CA10: variants seen among roughly 807,000 people sequenced by gnomAD.
CA10 encodes the protein carbonic anhydrase 10 (inactive), also known as carbonic anhydrase-related protein 10.
CA10 carries 14 observed loss-of-function variants against 44.2 expected under a neutral mutation model. That is an observed-to-expected ratio of 0.32 (90% CI 0.21 to 0.50). The LOEUF (loss-of-function observed/expected upper bound fraction) is 0.50. Ranked by LOEUF, CA10 falls within the 20% of genes least tolerant of loss-of-function variation. The probability of loss-of-function intolerance (pLI) is 0.99; values close to 1 mark genes in which losing one functional copy is unlikely to be tolerated. For synonymous variants in CA10, 159 were observed against 141.6 expected (o/e 1.12, Z -0.87); for missense variants, 350 against 409.7 (o/e 0.85, Z 1.26).
At chr17:51,991,167 G>A (rs1985025810) in intron 2 of CA10, among the ~76,000 whole-genome samples, 1 of 152,046 alleles carries the variant, frequency 6.6e-6, no homozygotes, top group African/African-American at 2.4e-5. Flanking sequence ...AAAAATGATG[G>A]AAAATGTAGT....
intron 3 of CA10, among the ~76,000 whole-genome samples, chr17:51,860,843 A>C (rs1042388727): frequency 6.6e-6 from 1 of 152,144 alleles, no homozygotes; most frequent in African/African-American, 2.4e-5. Context: ...TGATACACTA[A>C]GATTTGGGGA....
rs367890128 is a variant in CA10 at position 51,947,624 on chromosome 17, A to G, written c.137-16492T>C. 7.9e-5 allele frequency among the ~76,000 whole-genome samples: 12 copies of G among 152,254 alleles called. 1 individual carries two copies. The highest frequency in any genetic ancestry group is 2.6e-4 in the Admixed American group (4 of 15,286). On this transcript the variant is annotated intron_variant, in intron 2 of 8. Coordinates refer to ENST00000451037, the MANE Select transcript of CA10 (RefSeq NM_020178.5). ...AAACTACACATGCAAAGTTTTAACA[A>G]TGCAGCACTTTGTAGCATAGATTAA... is the stretch of plus-strand genomic sequence containing the variant.
chr17:52,104,686 C>T (rs1988619398), intron 1 of CA10, among the ~76,000 whole-genome samples: 1 of 152,142 alleles, frequency 6.6e-6, no homozygotes, highest in African/African-American at 2.4e-5. Flanking sequence ...GTGCTGGACT[C>T]CACGGCACAA....
At chr17:51,738,456 G>A (rs1916985134) in intron 4 of CA10, among the ~76,000 whole-genome samples, 2 of 152,124 alleles carry the variant, frequency 1.3e-5, no homozygotes, top group African/African-American at 2.4e-5. Flanking sequence ...CTGTTCTTAG[G>A]TTCTTAATGC....
intron 2 of CA10, among the ~76,000 whole-genome samples, chr17:52,054,544 C>T (rs927081963): frequency 6.6e-6 from 1 of 152,014 alleles, no homozygotes. Context: ...TCTCTGTGAC[C>T]CATACCCTAA....
chr17:51,644,189 G>A (rs1410480900), intron 6 of CA10, among the ~76,000 whole-genome samples: 1 of 149,552 alleles, frequency 6.7e-6, no homozygotes, highest in Non-Finnish European at 1.5e-5. Context: ...TTTTTTTCCT[G>A]GTCATTCATT....
At chr17:52,101,837 G>C (rs368134638) in intron 1 of CA10, among the ~76,000 whole-genome samples, 3 of 151,828 alleles carry the variant, frequency 2.0e-5, no homozygotes, top group Non-Finnish European at 4.4e-5. Context: ...TATAGCATAG[G>C]GTTTAAATAG....
At chr17:51,989,431 CTT>C (rs965787747) in intron 2 of CA10, among the ~76,000 whole-genome samples, 4 of 151,864 alleles carry the variant, frequency 2.6e-5, no homozygotes, top group African/African-American at 9.7e-5. Context: ...GTTTTCTGTT[CTT>C]GTGTTAGTTT....
chr17:51,875,363 A>T (rs772561664), intron 3 of CA10, among the ~76,000 whole-genome samples: 3 of 152,176 alleles, frequency 2.0e-5, no homozygotes, highest in Non-Finnish European at 2.9e-5. Flanking sequence ...ACTGATGGAG[A>T]ACCATGGTAT....
chr17:51,747,729 T>C lies in CA10; in HGVS notation c.369A>G (p.Thr123=), dbSNP rs778089236. 12 of 1,614,008 alleles carry C rather than the reference T, an allele frequency of 7.4e-6. No individual in the cohort carries two copies. The South Asian group carries it at 1.2e-4, about 16-fold the overall frequency. The part of the protein sequence containing the change: ...HLVNISGGPM[T]YSHRLEEIRL... ...GGATCTCCTCCAGCCGGTGGCTGTA[T>C]GTCATGGGCCCTCCAGATATGTTGA... is the stretch of plus-strand genomic sequence containing the variant. Residue 123 remains threonine (T), a synonymous_variant, in exon 4 of 9, where the codon ACA becomes ACG. Coordinates refer to ENST00000451037, the MANE Select transcript of CA10 (RefSeq NM_020178.5).
chr17:51,786,193 C>A lies in CA10; in HGVS notation c.280-38375G>T, dbSNP rs1049590820. Among the ~76,000 whole-genome samples, 4 of 147,410 alleles carry A rather than the reference C, an allele frequency of 2.7e-5. No individual in the cohort carries two copies. The East Asian group carries it at 8.2e-4, about 30-fold the overall frequency. On this transcript the variant is annotated intron_variant, in intron 3 of 8. Transcript: ENST00000451037. ...CTTCTACTTTACTGATTTTTTAATG[C>A]GTTCTAACATCTTTGTGTGTCTGTG...
Position 52,158,110 on chromosome 17 carries a change from G to A in CA10, c.-324C>T, listed in dbSNP as rs1428203969. 1 of 464,404 alleles carries A rather than the reference G, an allele frequency of 2.2e-6. No homozygotes were observed. 28.8% of individuals were successfully genotyped at this position (464,404 alleles called of 1,614,324 possible). A position where few individuals can be genotyped will look rare whatever the true frequency, so the allele number is the denominator to read the frequency against. On this transcript the variant is annotated 5_prime_UTR_variant, in exon 1 of 9. Coordinates refer to ENST00000451037, the MANE Select transcript of CA10 (RefSeq NM_020178.5). ...CGGAAACCGCACTAGCAGCGGCGGC[G>A]GCGGCGGCGGCGGCAGCAGCCACCT...
At chr17:51,927,811 A>C (rs1982492086) in intron 3 of CA10, among the ~76,000 whole-genome samples, 2 of 152,170 alleles carry the variant, frequency 1.3e-5, no homozygotes, top group Non-Finnish European at 2.9e-5. Context: ...TCATATATGG[A>C]AACTTTAAGC....
intron 3 of CA10, among the ~76,000 whole-genome samples, chr17:51,874,223 G>A (rs1446256711): frequency 6.6e-6 from 1 of 152,062 alleles, no homozygotes; most frequent in Non-Finnish European, 1.5e-5. Flanking sequence ...ACAAGACTGT[G>A]GCTTTCATGG....
At chr17:51,836,482 G>A (rs953332008) in intron 3 of CA10, among the ~76,000 whole-genome samples, 1 of 152,222 alleles carries the variant, frequency 6.6e-6, no homozygotes, top group African/African-American at 2.4e-5. Flanking sequence ...AGGCAGCCAT[G>A]GCCAAGCTGT....
At chr17:52,095,968 G>A (rs1988390921) in intron 1 of CA10, among the ~76,000 whole-genome samples, 1 of 152,138 alleles carries the variant, frequency 6.6e-6, no homozygotes, top group Non-Finnish European at 1.5e-5. Context: ...TTTAGCTTGA[G>A]TCTAGATGTC....
chr17:51,706,400 A>G (rs1263967), intron 4 of CA10, among the ~76,000 whole-genome samples: 61,277 of 151,842 alleles, frequency 0.4, 12,644 homozygotes, highest in Middle Eastern at 0.47. Flanking sequence ...TCTCCATAGC[A>G]TACCAAGTCT....
At chr17:51,884,391 C>T (rs1271355928) in intron 3 of CA10, among the ~76,000 whole-genome samples, 2 of 152,206 alleles carry the variant, frequency 1.3e-5, no homozygotes, top group African/African-American at 4.8e-5. Flanking sequence ...CTCTCCCTCT[C>T]CAGCCTCCAA....
chr17:51,911,114 C>T (rs1263291320), intron 3 of CA10, among the ~76,000 whole-genome samples: 1 of 152,068 alleles, frequency 6.6e-6, no homozygotes, highest in Non-Finnish European at 1.5e-5. Flanking sequence ...TTCCACTTGC[C>T]CCTCCAGGCG....
Sources: gnomAD v4.1 joint callset for allele counts (sites outside exome capture counted in the v4.1 genomes callset) on GRCh38, gnomAD v4.1.1 for gene constraint, MANE v1.5 for transcripts, NCBI Gene and HGNC (gene_info 2026-07-23, HGNC 2026-07-21) for gene names.